The following SGCZ variants were observed in gnomAD, a reference collection of about 807,000 sequenced individuals.
SGCZ encodes zeta-sarcoglycan.
A neutral mutation model predicts 41.3 loss-of-function variants in SGCZ; 40 were observed. The ratio of observed to expected loss-of-function variants is 0.97; its 90% CI spans 0.75 to 1.26. SGCZ has a LOEUF of 1.26. Among genes scored for constraint, SGCZ ranks in the 50% most tolerant of loss-of-function variants. SGCZ has a pLI of 0.00. For missense variants in SGCZ, 552 were observed against 369.8 expected (o/e 1.49, Z -4.04); for synonymous variants, 206 against 137.5 (o/e 1.50, Z -3.49).
At chr8:14,366,242 C>A (rs1444417251) in intron 2 of SGCZ, among the ~76,000 whole-genome samples, 1 of 152,132 alleles carries the variant, frequency 6.6e-6, no homozygotes. Flanking sequence ...ACTCACATTT[C>A]TGCATTGCTG....
chr8:15,119,530 C>T (rs934768928), intron 1 of SGCZ, among the ~76,000 whole-genome samples: 1 of 139,068 alleles, frequency 7.2e-6, no homozygotes, highest in Non-Finnish European at 1.5e-5. Flanking sequence ...GACCCTGTCT[C>T]AAAAAGAAAA....
At chr8:14,555,060 T>A in intron 1 of SGCZ, 134 bp from the exon 2 acceptor site, 1 of 726,598 alleles carries the variant, frequency 1.4e-6, no homozygotes, top group Non-Finnish European at 2.2e-6. Flanking sequence ...AAATAACTAT[T>A]GTTGTGTAAT....
chr8:14,455,340 T>C (rs1024353357), intron 2 of SGCZ, among the ~76,000 whole-genome samples: 1 of 152,108 alleles, frequency 6.6e-6, no homozygotes, highest in Non-Finnish European at 1.5e-5. Flanking sequence ...CTATTTATTA[T>C]ATAGGCAAAA....
At chr8:15,176,851 A>T (rs1203759915) in intron 1 of SGCZ, among the ~76,000 whole-genome samples, 1 of 152,106 alleles carries the variant, frequency 6.6e-6, no homozygotes, top group East Asian at 1.9e-4. Flanking sequence ...AACACACAAA[A>T]TTAGCCAGGC....
intron 3 of SGCZ, among the ~76,000 whole-genome samples, chr8:14,244,233 C>A (rs1799000151): frequency 6.6e-6 from 1 of 151,716 alleles, no homozygotes; most frequent in African/African-American, 2.4e-5. Context: ...TCCTCCTTCT[C>A]TTCCTTCTTC....
chr8:14,499,380 T>C (rs1802083274), intron 2 of SGCZ, among the ~76,000 whole-genome samples: 1 of 152,076 alleles, frequency 6.6e-6, no homozygotes, highest in Admixed American at 6.6e-5. Flanking sequence ...AATTTTCTTT[T>C]GCATCATATA....
intron 2 of SGCZ, among the ~76,000 whole-genome samples, chr8:14,540,594 T>C (rs913458883): frequency 5.3e-5 from 8 of 151,962 alleles, no homozygotes; most frequent in Non-Finnish European, 1.2e-4. Context: ...AATAGCTATA[T>C]TTTAGTGTAT....
chr8:14,876,636 A>C (rs995650451), intron 1 of SGCZ, among the ~76,000 whole-genome samples: 3 of 152,214 alleles, frequency 2.0e-5, no homozygotes, highest in Non-Finnish European at 4.4e-5. Context: ...AGTGAGGGTC[A>C]CTTAAAGTAA....
intron 4 of SGCZ, among the ~76,000 whole-genome samples, chr8:14,218,472 C>T (rs1322491011): frequency 6.6e-6 from 1 of 152,114 alleles, no homozygotes; most frequent in Non-Finnish European, 1.5e-5. Context: ...GATTAGAAAA[C>T]TCAATCTTGT....
Position 14,983,134 on chromosome 8 carries a change from C to T in SGCZ, c.39+254451G>A, listed in dbSNP as rs980746820. ...TTGAGAACATTGTAAGTATTATGTA[C>T]CTGCTGGTGCTTATTTCATTGTATT... On this transcript the variant is annotated intron_variant, in intron 1 of 7. Transcript: ENST00000382080. Among the ~76,000 whole-genome samples, 12 of 152,060 alleles carry T rather than the reference C, an allele frequency of 7.9e-5. No individual in the cohort carries two copies. In the East Asian group the frequency reaches 2.3e-3, roughly 29 times the overall value.
intron 5 of SGCZ, among the ~76,000 whole-genome samples, chr8:14,160,485 T>A (rs1407489041): frequency 1.3e-5 from 2 of 152,168 alleles, no homozygotes. Context: ...AAAATAAAAA[T>A]ATAGTTTTCA....
intron 2 of SGCZ, among the ~76,000 whole-genome samples, chr8:14,417,701 G>C (rs1186815965): frequency 6.6e-6 from 1 of 151,830 alleles, no homozygotes; most frequent in Non-Finnish European, 1.5e-5. Context: ...AATTTGCTAA[G>C]GGAGTAGATA....
intron 1 of SGCZ, among the ~76,000 whole-genome samples, chr8:15,054,151 T>C (rs68164455): frequency 0.08 from 12,157 of 152,274 alleles, 703 homozygotes; most frequent in East Asian, 0.27. Flanking sequence ...TATAAGTGAA[T>C]ATTTAGTTCT....
intron 2 of SGCZ, among the ~76,000 whole-genome samples, chr8:14,511,694 G>C (rs1002418774): frequency 4.6e-5 from 7 of 152,028 alleles, no homozygotes; most frequent in Non-Finnish European, 1.0e-4. Flanking sequence ...AAGAATTTAG[G>C]GAAGAAAAGG....
chr8:14,387,432 C>A (rs550175506), intron 2 of SGCZ, among the ~76,000 whole-genome samples: 1 of 152,246 alleles, frequency 6.6e-6, no homozygotes, highest in African/African-American at 2.4e-5. Flanking sequence ...TTGTCAAAAA[C>A]CTTTACTTGT....
chr8:14,736,631 C>T (rs1249919052), intron 1 of SGCZ, among the ~76,000 whole-genome samples: 1 of 152,034 alleles, frequency 6.6e-6, no homozygotes, highest in Admixed American at 6.6e-5. Context: ...ACCCCCCTCC[C>T]ACTTTCCCGC....
chr8:15,169,357 A>T (rs921170784), intron 1 of SGCZ, among the ~76,000 whole-genome samples: 2 of 152,126 alleles, frequency 1.3e-5, no homozygotes, highest in African/African-American at 4.8e-5. Context: ...TTGCAGGGGG[A>T]GGAGCCTGCC....
intron 1 of SGCZ, among the ~76,000 whole-genome samples, chr8:14,769,705 T>C (rs1269838563): frequency 6.9e-6 from 1 of 145,728 alleles, no homozygotes; most frequent in African/African-American, 2.6e-5. Context: ...GTCAGGAGAA[T>C]CATCACTTAA....
chr8:14,676,124 C>A (rs1808269503), intron 1 of SGCZ, among the ~76,000 whole-genome samples: 1 of 152,130 alleles, frequency 6.6e-6, no homozygotes, highest in African/African-American at 2.4e-5. Flanking sequence ...TGTGTTCCTA[C>A]CAGAAAGAAT....
Sources: gnomAD v4.1 joint callset for allele counts (sites outside exome capture counted in the v4.1 genomes callset) on GRCh38, gnomAD v4.1.1 for gene constraint, MANE v1.5 for transcripts, NCBI Gene and HGNC (gene_info 2026-07-23, HGNC 2026-07-21) for gene names.